The following PLEKHA1 variants were observed in gnomAD, a reference collection of about 807,000 sequenced individuals.
PLEKHA1 encodes pleckstrin homology domain containing A1.
A neutral mutation model predicts 52.0 loss-of-function variants in PLEKHA1; 34 were observed. The ratio of observed to expected loss-of-function variants is 0.65; its 90% CI spans 0.50 to 0.87. PLEKHA1 has a LOEUF of 0.87. Ranked by LOEUF, PLEKHA1 falls within the 40% of genes least tolerant of loss-of-function variation. The pLI, the probability that PLEKHA1 is intolerant of heterozygous loss-of-function variation, is 0.00. For missense variants in PLEKHA1, 497 were observed against 504.2 expected (o/e 0.99, Z 0.14); for synonymous variants, 163 against 170.7 (o/e 0.95, Z 0.35).
chr10:122,397,106 C>A (rs2096861014), intron 2 of PLEKHA1, among the ~76,000 whole-genome samples: 1 of 151,958 alleles, frequency 6.6e-6, no homozygotes, highest in Non-Finnish European at 1.5e-5. Context: ...CCCACATAGC[C>A]CCCCTCTCTC....
rs769315504 is a variant in PLEKHA1, at chr10:122,393,209, T to C, written c.9T>C (p.Tyr3=). The change falls in exon 2 of 12, where the codon TAT becomes TAC. Residue 3 remains tyrosine, a synonymous_variant. Transcript: ENST00000368990. The surrounding 1 kb of genome is among the most constrained non-coding windows in gnomAD (Gnocchi z 4.5). ...AATGTTCAAGCTCAGAAATGCCTTA[T>C]GTGGATCGTCAGAATCGCATTTGTG... MP[Y]VDRQNRICGF... is the part of the protein sequence containing the mutation. The C allele has an allele frequency of 2.5e-6, 4 of 1,611,390 alleles. No individual in the cohort carries two copies. The highest frequency in any genetic ancestry group is 3.4e-6 in the Non-Finnish European group (4 of 1,178,892).
At chr10:122,397,834 T>C in intron 2 of PLEKHA1, 84 bp from the exon 3 acceptor site, 2 of 1,115,334 alleles carry the variant, frequency 1.8e-6, no homozygotes, top group Non-Finnish European at 2.5e-6. Flanking sequence ...GTTTTTAACT[T>C]TTCAGAAGTA....
At chr10:122,375,958 G>A (rs1364907860) in intron 1 of PLEKHA1, among the ~76,000 whole-genome samples, 1 of 152,100 alleles carries the variant, frequency 6.6e-6, no homozygotes, top group African/African-American at 2.4e-5. Context: ...TTTAATGACT[G>A]GAACAAATAG....
intron 4 of PLEKHA1, among the ~76,000 whole-genome samples, chr10:122,401,327 G>A (rs556728825): frequency 1.3e-5 from 2 of 152,264 alleles, no homozygotes; most frequent in Admixed American, 1.3e-4. Flanking sequence ...GGTTTTGTTT[G>A]TTTGTTTGTT....
chr10:122,393,406 C>G lies in PLEKHA1; in HGVS notation c.141+65C>G. Reference sequence around the variant, plus strand: ...AAGTTGTATTTAAGTATTTAACATACTATACAGGCTTTAGATTTGTCTTCT... The same window carrying G: ...AAGTTGTATTTAAGTATTTAACATAGTATACAGGCTTTAGATTTGTCTTCT... On this transcript the variant is annotated intron_variant, in intron 2 of 11. Transcript: ENST00000368990. The surrounding 1 kb of genome is among the most constrained non-coding windows in gnomAD (Gnocchi z 4.5). The G allele has an allele frequency of 2.2e-6, 3 of 1,356,490 alleles. No individual in the cohort carries two copies. In the South Asian group the frequency reaches 4.9e-5, roughly 22 times the overall value. The allele number at this position is 1,356,490 out of a possible 1,614,324, so 84.0% of individuals were successfully genotyped here.
chr10:122,389,439 C>CGCCAACA (rs2096745693), intron 1 of PLEKHA1, among the ~76,000 whole-genome samples: 1 of 152,330 alleles, frequency 6.6e-6, no homozygotes, highest in Admixed American at 6.5e-5. Flanking sequence ...GTGGCTAACA[C>CGCCAACA]CTGTAATTCC....
chr10:122,382,428 A>G (rs1161436989), intron 1 of PLEKHA1, among the ~76,000 whole-genome samples: 14 of 152,234 alleles, frequency 9.2e-5, no homozygotes, highest in Admixed American at 8.5e-4. Flanking sequence ...TCTAGATTCA[A>G]TAGATACCAA....
At chr10:122,401,319 T>TTTTG (rs781772067) in intron 4 of PLEKHA1, among the ~76,000 whole-genome samples, 3 of 151,478 alleles carry the variant, frequency 2.0e-5, no homozygotes, top group Non-Finnish European at 2.9e-5. Context: ...TGAAGGAGGG[T>TTTTG]TTTGTTTGTT....
the PLEKHA1 span, chr10:122,441,960 T>A: frequency 6.6e-6 from 1 of 152,250 alleles, no homozygotes; most frequent in African/African-American, 2.4e-5. Flanking sequence ...GGACACTGAG[T>A]AACGTGGGGA....
At chr10:122,419,985 G>A (rs994703435) in intron 8 of PLEKHA1, 4 of 152,208 alleles carry the variant, frequency 2.6e-5, no homozygotes, top group African/African-American at 9.7e-5. Flanking sequence ...GGCTGCAGCT[G>A]TGCTGTAGTT....
At chr10:122,417,834 T>G (rs2097201005) in intron 7 of PLEKHA1, 66 bp from the exon 8 acceptor site, 1 of 1,234,812 alleles carries the variant, frequency 8.1e-7, no homozygotes, top group African/African-American at 1.5e-5. Flanking sequence ...TCAGGGTAAT[T>G]AAGTGGTGAC....
At position 122,393,983 on chromosome 10, in the gene PLEKHA1, C is replaced by T. The variant is rs2096811239; in HGVS notation, c.141+642C>T. ...TTGCAAAACACAGGGGTAAATGCTACAATTTAAAAAATTGGAATCCCAGCC... is the reference window on the plus strand; with the variant it reads ...TTGCAAAACACAGGGGTAAATGCTATAATTTAAAAAATTGGAATCCCAGCC... On this transcript the variant is annotated intron_variant, in intron 2 of 11. Transcript: ENST00000368990. The surrounding 1 kb of genome is among the most constrained non-coding windows in gnomAD (Gnocchi z 4.5). 6.8e-6 allele frequency among the ~76,000 whole-genome samples: 1 copy of T among 147,118 alleles called. No individual in the cohort carries two copies. The highest frequency in any genetic ancestry group is 2.2e-4 in the South Asian group (1 of 4,570).
At chr10:122,419,399 G>A (rs754365077) in intron 8 of PLEKHA1, 4 of 152,160 alleles carry the variant, frequency 2.6e-5, no homozygotes, top group Non-Finnish European at 4.4e-5. Flanking sequence ...AAGCTTAAGA[G>A]CCTCAACTGG....
In PLEKHA1 at chr10:122,424,242, A is replaced by G; in HGVS notation, c.725A>G (p.Lys242Arg). Residue 242 changes from lysine to arginine, a missense_variant, in exon 9 of 12, where the codon AAA becomes AGA. Transcript: ENST00000368990. The stretch of plus-strand genomic sequence containing the variant: ...GTAATACCACTTAAAGAGGTTCATA[A>G]AGTCCAGGAATGTAAGCAAAGGTAA... ...LRVIPLKEVHKVQECKQSDIM... is the reference protein window; with the variant it reads ...LRVIPLKEVHRVQECKQSDIM... 1.3e-6 allele frequency: 2 copies of G among 1,596,234 alleles called. No homozygotes were observed. The highest frequency in any genetic ancestry group is 1.7e-6 in the Non-Finnish European group (2 of 1,176,188).
chr10:122,389,726 A>G (rs989637953), intron 1 of PLEKHA1, among the ~76,000 whole-genome samples: 2 of 152,158 alleles, frequency 1.3e-5, no homozygotes, highest in African/African-American at 4.8e-5. Context: ...TTTTTTTTTC[A>G]GTAAAACATG....
intron 1 of PLEKHA1, among the ~76,000 whole-genome samples, chr10:122,384,254 G>A (rs1489172679): frequency 6.6e-6 from 1 of 152,106 alleles, no homozygotes; most frequent in Admixed American, 6.5e-5. Context: ...GATATAAGTT[G>A]CAAATATTTT....
intron 4 of PLEKHA1, among the ~76,000 whole-genome samples, chr10:122,405,641 G>T (rs532651005): frequency 4.6e-5 from 7 of 151,264 alleles, no homozygotes; most frequent in Non-Finnish European, 8.8e-5. Flanking sequence ...CCCAAATATT[G>T]GAAGGCTGAA....
chr10:122,398,026 G>T, intron 3 of PLEKHA1, 52 bp downstream of exon 3: 1 of 1,442,984 alleles, frequency 6.9e-7, no homozygotes, highest in South Asian at 1.2e-5. Context: ...CCCTGTGAAT[G>T]AGAGTATGAA....
chr10:122,424,090 AAAG>A lies in PLEKHA1; in HGVS notation c.682-105_682-103del. On this transcript the variant is annotated intron_variant, in intron 8 of 11. Coordinates refer to ENST00000368990, the MANE Select transcript of PLEKHA1 (RefSeq NM_001001974.4). ...ATTTATTTCTGAGATGTGCTTCAGAAAAGAAGTGTGATTTTCACATGGGTCTTC... is the reference window on the plus strand; with the variant it reads ...ATTTATTTCTGAGATGTGCTTCAGAAAAGTGTGATTTTCACATGGGTCTTC... 8 of 1,374,672 alleles carry A rather than the reference AAAG, an allele frequency of 5.8e-6. No homozygotes were observed. In the South Asian group the frequency reaches 1.1e-4, roughly 19 times the overall value. 85.2% of individuals were successfully genotyped at this position (1,374,672 alleles called of 1,614,324 possible).
Sources: allele counts gnomAD v4.1 joint callset (sites outside exome capture counted in the v4.1 genomes callset), GRCh38; gene constraint gnomAD v4.1.1; non-coding constraint Gnocchi (gnomAD v3.1); transcripts MANE v1.5; gene names NCBI Gene and HGNC (gene_info 2026-07-23, HGNC 2026-07-21).